XPO7: variants seen among roughly 807,000 people sequenced by gnomAD.
XPO7 encodes the protein exportin 7.
Under a neutral mutation model 144.3 loss-of-function variants are expected in XPO7, and 21 were observed. That is an observed-to-expected ratio of 0.15 (90% CI 0.10 to 0.21). XPO7 has a LOEUF of 0.21. Among genes scored for constraint, XPO7 ranks in the 10% least tolerant of loss-of-function variants. The pLI, the probability that XPO7 is intolerant of heterozygous loss-of-function variation, is 1.00. For missense variants in XPO7, 808 were observed against 1,325.8 expected (o/e 0.61, Z 6.06); for synonymous variants, 580 against 499.6 (o/e 1.16, Z -2.15).
At chr8:21,999,413 CT>C in intron 23 of XPO7, 108 bp downstream of exon 23, 1 of 1,572,072 alleles carries the variant, frequency 6.4e-7, no homozygotes, top group South Asian at 1.1e-5. Flanking sequence ...AAGCTAGCTC[CT>C]TTTGCTCTAA....
intron 1 of XPO7, among the ~76,000 whole-genome samples, chr8:21,956,695 G>A (rs1811546083): frequency 6.8e-6 from 1 of 148,132 alleles, no homozygotes; most frequent in Non-Finnish European, 1.5e-5. Flanking sequence ...GTCATCATAT[G>A]TTTATTTTCT....
At chr8:21,932,248 A>G (rs1463023018) in intron 1 of XPO7, among the ~76,000 whole-genome samples, 5 of 152,254 alleles carry the variant, frequency 3.3e-5, no homozygotes, top group African/African-American at 7.2e-5. Context: ...TCTATAGATC[A>G]TACAGCAGTA....
At chr8:21,977,443 G>A (rs1426616408) in intron 7 of XPO7, among the ~76,000 whole-genome samples, 1 of 152,162 alleles carries the variant, frequency 6.6e-6, no homozygotes, top group Non-Finnish European at 1.5e-5. Flanking sequence ...GCTGGGCATG[G>A]TGGCACGTGC....
At chr8:21,938,292 CA>C (rs1263413241) in intron 1 of XPO7, among the ~76,000 whole-genome samples, 3 of 152,098 alleles carry the variant, frequency 2.0e-5, no homozygotes, top group African/African-American at 4.8e-5. Context: ...TTAACATTTA[CA>C]TAACATAAAA....
intron 1 of XPO7, among the ~76,000 whole-genome samples, chr8:21,948,679 G>C (rs1811270575): frequency 6.6e-6 from 1 of 152,084 alleles, no homozygotes; most frequent in Non-Finnish European, 1.5e-5. Context: ...ATGAGGAATT[G>C]AGCTTTTCTA....
At chr8:21,985,733 C>A in intron 13 of XPO7, 42 bp downstream of exon 13, 1 of 1,544,376 alleles carries the variant, frequency 6.5e-7, no homozygotes, top group Non-Finnish European at 8.9e-7. Flanking sequence ...GCCTTGCTGG[C>A]ACTTCTCCAC....
intron 1 of XPO7, among the ~76,000 whole-genome samples, chr8:21,924,340 T>C (rs976392023): frequency 6.6e-6 from 1 of 152,164 alleles, no homozygotes; most frequent in Non-Finnish European, 1.5e-5. Flanking sequence ...GCTTGATGAA[T>C]TTTCACAAAG....
rs190452032 is a variant in XPO7 at position 21,999,809 on chromosome 8, A to G, written c.2782+135A>G. 3,688 of 1,133,318 alleles carry G rather than the reference A, an allele frequency of 3.3e-3. 7 individuals are homozygous for G. The highest frequency in any genetic ancestry group is 4.3e-3 in the Non-Finnish European group (3,419 of 798,244). 70.2% of individuals were successfully genotyped at this position (1,133,318 alleles called of 1,614,324 possible). A position where few individuals can be genotyped will look rare whatever the true frequency, so the allele number is the denominator to read the frequency against. ...GGGTTTGGCCATAACAATAGAGTAT[A>G]TAATGCACAGCACATGCTTATCCAG... On this transcript the variant is annotated intron_variant, in intron 24 of 27. Transcript: ENST00000252512.
intron 1 of XPO7, among the ~76,000 whole-genome samples, chr8:21,940,757 C>T (rs1484405126): frequency 6.6e-6 from 1 of 152,144 alleles, no homozygotes; most frequent in Non-Finnish European, 1.5e-5. Flanking sequence ...GCATGAGCCA[C>T]CGTGCCTGGC....
At chr8:21,973,407 T>A (rs2117338237) in intron 5 of XPO7, among the ~76,000 whole-genome samples, 1 of 152,344 alleles carries the variant, frequency 6.6e-6, no homozygotes, top group East Asian at 1.9e-4. Context: ...TATAACAGAT[T>A]GTATGATACA....
chr8:21,977,415 C>G (rs1585460510), intron 7 of XPO7, among the ~76,000 whole-genome samples: 1 of 152,194 alleles, frequency 6.6e-6, no homozygotes, highest in South Asian at 2.1e-4. Context: ...CCCGTCTCTA[C>G]TAAAAATACA....
At chr8:21,979,902 T>A (rs572281292) in intron 8 of XPO7, among the ~76,000 whole-genome samples, 182 bp from the exon 9 acceptor site, 6 of 152,104 alleles carry the variant, frequency 3.9e-5, no homozygotes, top group Non-Finnish European at 8.8e-5. Context: ...TAAGGGAATT[T>A]CCAAACTGAA....
At chr8:21,929,898 G>A (rs1231540992) in intron 1 of XPO7, among the ~76,000 whole-genome samples, 2 of 152,104 alleles carry the variant, frequency 1.3e-5, no homozygotes, top group East Asian at 3.9e-4. Context: ...AAAATATTAT[G>A]TAATTATGAA....
intron 19 of XPO7, among the ~76,000 whole-genome samples, chr8:21,992,414 T>C (rs1453844642): frequency 1.3e-5 from 2 of 152,220 alleles, no homozygotes; most frequent in African/African-American, 4.8e-5. Context: ...GTGAAATAGA[T>C]CTTCAGAATC....
intron 1 of XPO7, among the ~76,000 whole-genome samples, chr8:21,940,711 C>T (rs899224178): frequency 6.6e-6 from 1 of 152,092 alleles, no homozygotes; most frequent in African/African-American, 2.4e-5. Flanking sequence ...TCAGGTGATC[C>T]ACCTGCCTTG....
At chr8:21,963,413 A>G (rs1811787400) in intron 1 of XPO7, among the ~76,000 whole-genome samples, 1 of 152,240 alleles carries the variant, frequency 6.6e-6, no homozygotes, top group Non-Finnish European at 1.5e-5. Flanking sequence ...TTAAAAGTAT[A>G]GACCGGGCAC....
chr8:22,000,440 C>T (rs575976445), intron 24 of XPO7, among the ~76,000 whole-genome samples: 107 of 150,292 alleles, frequency 7.1e-4, no homozygotes, highest in African/African-American at 2.5e-3. Context: ...TGTTTCTAGG[C>T]TACCTTCCAA....
At chr8:21,975,729 C>G (rs60616436) in intron 6 of XPO7, among the ~76,000 whole-genome samples, 3,981 of 152,274 alleles carry the variant, frequency 0.026, 191 homozygotes, top group African/African-American at 0.092. Context: ...GGATTGAATC[C>G]TCCTTACTGA....
chr8:21,978,587 C>T (rs1465004171), intron 8 of XPO7, among the ~76,000 whole-genome samples: 1 of 152,126 alleles, frequency 6.6e-6, no homozygotes, highest in African/African-American at 2.4e-5. Flanking sequence ...GAAAAGGTAG[C>T]ACAGTCAAGA....
Sources: gnomAD v4.1 joint callset for allele counts (sites outside exome capture counted in the v4.1 genomes callset) on GRCh38, gnomAD v4.1.1 for gene constraint, MANE v1.5 for transcripts, NCBI Gene and HGNC (gene_info 2026-07-23, HGNC 2026-07-21) for gene names.